The following PMPCB variants were observed in gnomAD, a reference collection of about 807,000 sequenced individuals.
The protein encoded by PMPCB is peptidase, mitochondrial processing subunit beta.
PMPCB carries 46 observed loss-of-function variants against 61.5 expected under a neutral mutation model. The ratio of observed to expected loss-of-function variants is 0.75; its 90% CI spans 0.59 to 0.96. The LOEUF is 0.96. Among genes scored for constraint, PMPCB ranks in the 40% least tolerant of loss-of-function variants. The pLI, the probability that PMPCB is intolerant of heterozygous loss-of-function variation, is 0.00. For missense variants in PMPCB, 590 were observed against 602.4 expected, an observed-to-expected ratio of 0.98 and a Z score of 0.22; for synonymous variants, 191 against 201.6, an observed-to-expected ratio of 0.95 and a Z score of 0.44.
rs1459497130 is a variant in PMPCB at position 103,313,593 on chromosome 7, C to T, written c.*1322C>T. ...AGGAAACAAACCTAGCAAAATTAAG[C>T]CAAGTGCCCAAGGTACCAGTGCTGG... On this transcript the variant is annotated 3_prime_UTR_variant, in exon 13 of 13. Coordinates refer to ENST00000249269, the MANE Select transcript of PMPCB (RefSeq NM_004279.3). The T allele has an allele frequency of 2.1e-5, 21 of 981,534 alleles. No homozygotes were observed. Among genetic ancestry groups the T allele is most frequent in the Non-Finnish European group, 2.5e-5 (21 of 826,552 alleles). 60.8% of individuals were successfully genotyped at this position (981,534 alleles called of 1,614,324 possible).
intron 12 of PMPCB, among the ~76,000 whole-genome samples, chr7:103,327,163 T>C (rs544369868): frequency 1.4e-3 from 220 of 152,260 alleles, no homozygotes; most frequent in Admixed American, 2.7e-3. Flanking sequence ...TGCTTAGTGA[T>C]GTGTATGTAA....
chr7:103,307,697 A>T lies in PMPCB; in HGVS notation c.838A>T (p.Thr280Ser), dbSNP rs145484475. Residue 280 changes from threonine to serine, a missense_variant, in exon 7 of 13, where the codon ACA (threonine) becomes TCA (serine). Coordinates refer to ENST00000249269, the MANE Select transcript of PMPCB (RefSeq NM_004279.3). ...EIPALPPCKFTGSEIRVRDDK... is the reference protein window; with the variant it reads ...EIPALPPCKFSGSEIRVRDDK... ...ACCAGCTCTGCCTCCCTGCAAATTC[A>T]CAGGAAGTGAGGTAGGGCAAGCCTT... 126 of 1,597,282 alleles carry T rather than the reference A, an allele frequency of 7.9e-5. No homozygotes were observed. Among genetic ancestry groups the T allele is most frequent in the Admixed American group, 1.0e-4 (6 of 59,990 alleles).
chr7:103,335,095 A>G, the PMPCB span: 1 of 152,144 alleles, frequency 6.6e-6, no homozygotes, highest in African/African-American at 2.4e-5. Context: ...CAGCCTCCCA[A>G]AGTGCTAGGA....
chr7:103,312,044 T>G lies in PMPCB; in HGVS notation c.1330-12T>G. 1 of 1,611,728 alleles carries G rather than the reference T, an allele frequency of 6.2e-7. No individual in the cohort carries two copies. Among genetic ancestry groups the G allele is most frequent in the Non-Finnish European group, 8.5e-7 (1 of 1,178,620 alleles). ...TACAAACAGCTGAATGACAGTGTCT[T>G]CCATATTTCAGGCTGTGAATGCTGA... On this transcript the variant is annotated splice_polypyrimidine_tract_variant and intron_variant, in intron 11 of 12. Transcript: ENST00000249269.
intron 12 of PMPCB, chr7:103,319,991 G>A (rs974963529): frequency 4.5e-5 from 33 of 730,734 alleles, no homozygotes; most frequent in Non-Finnish European, 6.7e-5. Context: ...CTGAGATCAC[G>A]CCACTGCACT....
At chr7:103,323,697 A>G in intron 12 of PMPCB, 1 of 1,326,084 alleles carries the variant, frequency 7.5e-7, no homozygotes, top group East Asian at 2.7e-5. Context: ...TGATCAAGAC[A>G]GAATAAATGA....
chr7:103,336,313 A>G, the PMPCB span: 1 of 152,260 alleles, frequency 6.6e-6, no homozygotes, highest in African/African-American at 2.4e-5. Context: ...TAACAAATTT[A>G]TCTGTACTAA....
At chr7:103,339,516 A>T in the PMPCB span, among the ~76,000 whole-genome samples, 163 of 152,082 alleles carry the variant, frequency 1.1e-3, no homozygotes, top group African/African-American at 3.8e-3. Context: ...ATCACTCTTC[A>T]TTCACTGTAA....
intron 2 of PMPCB, among the ~76,000 whole-genome samples, chr7:103,299,032 C>CA (rs1817375104): frequency 6.6e-6 from 1 of 152,108 alleles, no homozygotes; most frequent in African/African-American, 2.4e-5. Flanking sequence ...TGATAAAAAG[C>CA]AATTGTTTGT....
At chr7:103,334,964 G>A in the PMPCB span, among the ~76,000 whole-genome samples, 1 of 152,044 alleles carries the variant, frequency 6.6e-6, no homozygotes, top group African/African-American at 2.4e-5. Flanking sequence ...CGCCCAAGTA[G>A]CTGGGATTAC....
At chr7:103,303,456 T>C (rs1255856715) in intron 4 of PMPCB, among the ~76,000 whole-genome samples, 3 of 152,226 alleles carry the variant, frequency 2.0e-5, no homozygotes, top group Non-Finnish European at 4.4e-5. Context: ...TGTGGGAACT[T>C]GCATAGTAAA....
In PMPCB at chr7:103,312,275, G is replaced by A. The variant is rs1563451150; in HGVS notation, c.*4G>A. 1 of 1,609,512 alleles carries A rather than the reference G, an allele frequency of 6.2e-7. No homozygotes were observed. ...CATGTGTTGGCTTCGTGATTAAAATGCTCCTAATCAAGATTGTTTGAACAC... is the reference window on the plus strand; with the variant it reads ...CATGTGTTGGCTTCGTGATTAAAATACTCCTAATCAAGATTGTTTGAACAC... On this transcript the variant is annotated 3_prime_UTR_variant, in exon 13 of 13. Transcript: ENST00000249269.
intron 12 of PMPCB, chr7:103,322,607 C>T (rs752234029): frequency 6.2e-7 from 1 of 1,612,364 alleles, no homozygotes; most frequent in Non-Finnish European, 8.5e-7. Flanking sequence ...ACTTTTTTAT[C>T]CTTGGATCAC....
At chr7:103,328,385 C>G (rs1818818996) in intron 12 of PMPCB, among the ~76,000 whole-genome samples, 1 of 151,950 alleles carries the variant, frequency 6.6e-6, no homozygotes, top group Non-Finnish European at 1.5e-5. Context: ...AATCCCAGCA[C>G]TTTGGGAGGC....
intron 5 of PMPCB, 46 bp from the exon 6 acceptor site, chr7:103,304,365 G>GTT: frequency 3.3e-5 from 31 of 931,312 alleles, no homozygotes; most frequent in African/African-American, 6.8e-5. Context: ...GTGAAGATCT[G>GTT]TTTTTTTTTT....
rs1032604057 is a variant in PMPCB at position 103,319,952 on chromosome 7, T to C, written c.*1431+7821T>C. 4.1e-6 allele frequency: 5 copies of C among 1,207,988 alleles called. No homozygotes were observed. The Admixed American group carries it at 7.4e-5, about 18-fold the overall frequency. The allele number at this position is 1,207,988 out of a possible 1,614,324, so 74.8% of individuals were successfully genotyped here. ...CGGGAGGCTGAGGCAGGAGAATCGC[T>C]TGAACCTGGAGGCGGAAATTGCAGC... On this transcript the variant is annotated intron_variant and NMD_transcript_variant, in intron 12 of 12. Coordinates refer to the PMPCB transcript ENST00000444457.
chr7:103,338,841 C>T, the PMPCB span, among the ~76,000 whole-genome samples: 2 of 151,852 alleles, frequency 1.3e-5, no homozygotes, highest in African/African-American at 4.8e-5. Context: ...ACCTGGGAGG[C>T]GGAGGTTGCA....
chr7:103,316,739 T>C, downstream of PMPCB: 1 of 1,087,706 alleles, frequency 9.2e-7, no homozygotes, highest in Non-Finnish European at 1.3e-6. Context: ...TCTGCAAGTT[T>C]CTGTGATAAC....
In PMPCB at chr7:103,309,035, C is replaced by T. The variant is rs1817665314; in HGVS notation, c.933C>T (p.Ile311=). The change falls in exon 8 of 13, where the codon ATC becomes ATT. Residue 311 remains isoleucine, a synonymous_variant. Transcript: ENST00000249269. ...EAVGWAHPDT[I]CLMVANTLIG... is the part of the protein sequence containing the mutation. ...TTGGTTGGGCACATCCAGATACAAT[C>T]TGTCTCATGGTTGCAAACACGCTGA... 1 of 1,608,902 alleles carries T rather than the reference C, an allele frequency of 6.2e-7. No homozygotes were observed. Among genetic ancestry groups the T allele is most frequent in the Admixed American group, 1.7e-5 (1 of 59,508 alleles).
Sources: gnomAD v4.1 joint callset for allele counts (sites outside exome capture counted in the v4.1 genomes callset) on GRCh38, gnomAD v4.1.1 for gene constraint, MANE v1.5 for transcripts, NCBI Gene and HGNC (gene_info 2026-07-23, HGNC 2026-07-21) for gene names.